Variants in ZNF875 observed in about 807,000 individuals in gnomAD.
ZNF875 encodes the protein zinc finger protein 875.
Under a neutral mutation model 11.2 loss-of-function variants are expected in ZNF875, and 14 were observed. The observed-to-expected ratio is 1.26, with a 90% confidence interval of 0.83 to 1.96. ZNF875 has a LOEUF of 1.96. Ranked by LOEUF, ZNF875 falls within the 30% of genes most tolerant of loss-of-function variation. The pLI is 0.00. For missense variants in ZNF875, 752 were observed against 760.4 expected (o/e 0.99, Z 0.13); for synonymous variants, 301 against 281.1 (o/e 1.07, Z -0.71).
chr19:37,315,226 G>A (rs376242236), upstream of ZNF875: 1 of 152,182 alleles, frequency 6.6e-6, no homozygotes, highest in East Asian at 1.9e-4. Flanking sequence ...CTTTACATAA[G>A]GATAAACCTG....
At chr19:37,345,291 C>T (rs1030000413) in intron 2 of ZNF875, among the ~76,000 whole-genome samples, 7 of 152,118 alleles carry the variant, frequency 4.6e-5, no homozygotes, top group Admixed American at 2.0e-4. Flanking sequence ...TCTTCTCTTG[C>T]GATTAAGTAC....
At chr19:37,355,950 G>A (rs762967456) in intron 4 of ZNF875, among the ~76,000 whole-genome samples, 146 of 151,984 alleles carry the variant, frequency 9.6e-4, no homozygotes, top group Non-Finnish European at 1.9e-3. Flanking sequence ...CCCTGTTTTG[G>A]AGTCCCCAGT....
At chr19:37,328,798 T>C (rs2032936531) in intron 4 of ZNF875, 2 of 152,218 alleles carry the variant, frequency 1.3e-5, no homozygotes, top group African/African-American at 4.8e-5. Flanking sequence ...ATGCTGTAAA[T>C]GCTCTTTGAG....
intron 1 of ZNF875, among the ~76,000 whole-genome samples, chr19:37,320,617 C>T (rs142306335): frequency 1.1e-3 from 163 of 152,256 alleles, no homozygotes; most frequent in Middle Eastern, 3.4e-3. Flanking sequence ...GTCTCTGTTC[C>T]GTGATGTCTG....
intron 2 of ZNF875, chr19:37,344,744 C>G (rs768991575): frequency 1.2e-6 from 2 of 1,610,010 alleles, no homozygotes; most frequent in Middle Eastern, 1.7e-4. Flanking sequence ...ACAGACAAAC[C>G]ATGAGTTGTT....
intron 4 of ZNF875, among the ~76,000 whole-genome samples, chr19:37,325,434 G>C (rs1033396925): frequency 2.5e-4 from 38 of 151,998 alleles, no homozygotes; most frequent in African/African-American, 8.7e-4. Flanking sequence ...AGTCACTTTA[G>C]AAAAGTTAAA....
At chr19:37,361,666 G>A (rs2039944866) in intron 4 of ZNF875, among the ~76,000 whole-genome samples, 1 of 152,150 alleles carries the variant, frequency 6.6e-6, no homozygotes. Context: ...GCTTATGCCT[G>A]TAATCCCAGC....
chr19:37,321,769 A>C (rs1046034868), intron 1 of ZNF875, among the ~76,000 whole-genome samples: 1 of 152,170 alleles, frequency 6.6e-6, no homozygotes, highest in Non-Finnish European at 1.5e-5. Context: ...GTAGCACAGC[A>C]AATCCACCCA....
intron 4 of ZNF875, among the ~76,000 whole-genome samples, chr19:37,351,507 A>T (rs2037892127): frequency 6.6e-6 from 1 of 152,112 alleles, no homozygotes; most frequent in South Asian, 2.1e-4. Flanking sequence ...CCTGAGGTAG[A>T]AGCTTAGGTC....
intron 4 of ZNF875, among the ~76,000 whole-genome samples, chr19:37,353,869 TC>T (rs1350140722): frequency 6.6e-6 from 1 of 152,172 alleles, no homozygotes; most frequent in Non-Finnish European, 1.5e-5. Context: ...TCTTTGTGTT[TC>T]TACTACTTAA....
intron 2 of ZNF875, among the ~76,000 whole-genome samples, chr19:37,336,631 A>C (rs2034494080): frequency 6.6e-6 from 1 of 151,074 alleles, no homozygotes; most frequent in South Asian, 2.1e-4. Flanking sequence ...AACCTTGGCC[A>C]GGCGTGGTGG....
upstream of ZNF875, among the ~76,000 whole-genome samples, chr19:37,330,031 A>G (rs2033135698): frequency 6.6e-6 from 1 of 152,102 alleles, no homozygotes; most frequent in Admixed American, 6.6e-5. Flanking sequence ...TGCTGTGTTT[A>G]TTGACTTACC....
chr19:37,353,218 G>A (rs1345202268), intron 4 of ZNF875, among the ~76,000 whole-genome samples: 3 of 152,128 alleles, frequency 2.0e-5, no homozygotes, highest in Non-Finnish European at 2.9e-5. Context: ...ATCTAGCTAT[G>A]TATCTGCCTT....
chr19:37,349,688 T>G (rs924930687), intron 4 of ZNF875, among the ~76,000 whole-genome samples: 2 of 152,086 alleles, frequency 1.3e-5, no homozygotes, highest in Non-Finnish European at 2.9e-5. Context: ...GGAGTCTTGC[T>G]CTGTCACCCA....
At chr19:37,346,885 C>G in intron 2 of ZNF875, 1 of 220,692 alleles carries the variant, frequency 4.5e-6, no homozygotes, top group Non-Finnish European at 9.0e-6. Context: ...TTTTTTGAGA[C>G]AGAGTTTTGC....
At chr19:37,349,503 A>C (rs1256997135) in intron 4 of ZNF875, among the ~76,000 whole-genome samples, 2 of 152,162 alleles carry the variant, frequency 1.3e-5, no homozygotes. Flanking sequence ...TTATATGTTC[A>C]TTCCTTGACT....
intron 4 of ZNF875, among the ~76,000 whole-genome samples, chr19:37,325,918 A>G (rs758736908): frequency 2.0e-5 from 3 of 152,148 alleles, no homozygotes; most frequent in Non-Finnish European, 2.9e-5. Context: ...CATGTTGTCC[A>G]GGCTGGTCTT....
At chr19:37,336,143 T>C (rs1235519355) in intron 2 of ZNF875, among the ~76,000 whole-genome samples, 3 of 152,066 alleles carry the variant, frequency 2.0e-5, no homozygotes, top group Non-Finnish European at 4.4e-5. Context: ...CTCCTAGAAG[T>C]AGGGCTGTCT....
chr19:37,337,056 A>G (rs2034618078), intron 2 of ZNF875, among the ~76,000 whole-genome samples: 1 of 152,226 alleles, frequency 6.6e-6, no homozygotes, highest in South Asian at 2.1e-4. Context: ...CCAAAATTCC[A>G]GATTCCCTGC....
Sources: allele counts gnomAD v4.1 joint callset (sites outside exome capture counted in the v4.1 genomes callset), GRCh38; gene constraint gnomAD v4.1.1; transcripts MANE v1.5; gene names NCBI Gene and HGNC (gene_info 2026-07-23, HGNC 2026-07-21).